The following SSBP3 variants were observed in gnomAD, a reference collection of about 807,000 sequenced individuals.
SSBP3 encodes single stranded DNA binding protein 3.
A neutral mutation model predicts 69.6 loss-of-function variants in SSBP3; 5 were observed. That is an observed-to-expected ratio of 0.07 (90% confidence interval 0.04 to 0.15). The LOEUF is 0.15. Ranked by LOEUF, SSBP3 falls within the 10% of genes least tolerant of loss-of-function variation. The probability of loss-of-function intolerance (pLI) is 1.00; values close to 1 mark genes in which losing one functional copy is unlikely to be tolerated. For synonymous variants in SSBP3, 196 were observed against 193.4 expected (o/e 1.01, Z -0.11); for missense variants, 312 against 534.0 (o/e 0.58, Z 4.10).
Position 54,260,594 on chromosome 1 carries a change from G to A in SSBP3, c.367-2445C>T, listed in dbSNP as rs3766439. Among the ~76,000 whole-genome samples, 196 of 152,342 alleles carry A rather than the reference G, an allele frequency of 1.3e-3. 3 individuals are homozygous for A. The East Asian group carries it at 0.021, about 16-fold the overall frequency. On this transcript the variant is annotated intron_variant, in intron 5 of 17. Transcript: ENST00000610401. ...CCTCCTCTGCGCCTCCCTCAGAAGC[G>A]CCCCTGGGGGACTCTGGAGACCAGT...
intron 4 of SSBP3, among the ~76,000 whole-genome samples, chr1:54,289,739 C>G (rs375635255): frequency 6.4e-4 from 98 of 152,178 alleles, no homozygotes; most frequent in African/African-American, 2.2e-3. Flanking sequence ...TCCCTGGGCA[C>G]AGGGCCTCCT....
chr1:54,318,870 G>C (rs1424314301), intron 4 of SSBP3, among the ~76,000 whole-genome samples: 1 of 152,196 alleles, frequency 6.6e-6, no homozygotes, highest in East Asian at 1.9e-4. Flanking sequence ...AGAGTAACAG[G>C]AGGGAAGGGG....
chr1:54,354,538 C>G (rs1646833197), intron 4 of SSBP3, among the ~76,000 whole-genome samples: 1 of 152,126 alleles, frequency 6.6e-6, no homozygotes, highest in Admixed American at 6.5e-5. Context: ...GCGTTCACAT[C>G]TAACGTGGGA....
At chr1:54,236,398 GGT>G (rs1254470102) in intron 14 of SSBP3, 7 of 152,174 alleles carry the variant, frequency 4.6e-5, no homozygotes, top group Non-Finnish European at 8.8e-5. Flanking sequence ...TGGGATTACA[GGT>G]GTGAGTCACC....
At chr1:54,243,375 C>T (rs1644676262) in intron 9 of SSBP3, 76 bp from the exon 10 acceptor site, 3 of 1,522,608 alleles carry the variant, frequency 2.0e-6, no homozygotes, top group African/African-American at 1.4e-5. Context: ...AACAAACAGA[C>T]AAAACATAGT....
intron 4 of SSBP3, among the ~76,000 whole-genome samples, chr1:54,381,929 C>CAA (rs1557580857): frequency 6.6e-6 from 1 of 152,220 alleles, no homozygotes; most frequent in Non-Finnish European, 1.5e-5. Context: ...CATGGTGGCT[C>CAA]ATGCCTGCAA....
exon 18 of SSBP3, chr1:54,226,096 A>G (rs1045684513): frequency 2.0e-5 from 3 of 152,278 alleles, no homozygotes; most frequent in African/African-American, 7.2e-5. Flanking sequence ...GTCCCAGGTC[A>G]TAGCCATCCT....
At chr1:54,311,808 T>C (rs1218895801) in intron 4 of SSBP3, among the ~76,000 whole-genome samples, 2 of 152,118 alleles carry the variant, frequency 1.3e-5, no homozygotes, top group Non-Finnish European at 2.9e-5. Context: ...AGGTGGCATG[T>C]AGAAATAGTC....
intron 5 of SSBP3, among the ~76,000 whole-genome samples, chr1:54,274,745 C>A (rs1645254488): frequency 1.3e-5 from 2 of 152,192 alleles, no homozygotes; most frequent in South Asian, 2.1e-4. Context: ...GGCCATGGAA[C>A]CTCTTCCTGG....
At chr1:54,359,980 G>T (rs940611207) in intron 4 of SSBP3, among the ~76,000 whole-genome samples, 1 of 152,066 alleles carries the variant, frequency 6.6e-6, no homozygotes, top group South Asian at 2.1e-4. Context: ...TGACTCAACC[G>T]CCAACACCTT....
intron 5 of SSBP3, among the ~76,000 whole-genome samples, chr1:54,260,416 G>A (rs752405383): frequency 3.9e-5 from 6 of 152,198 alleles, no homozygotes; most frequent in Non-Finnish European, 7.3e-5. Flanking sequence ...GAGGGCAGGA[G>A]GCTGGCTCAC....
chr1:54,261,686 G>A (rs1362633499), intron 5 of SSBP3, among the ~76,000 whole-genome samples: 1 of 152,198 alleles, frequency 6.6e-6, no homozygotes, highest in Admixed American at 6.5e-5. Context: ...AGCAGGCCCA[G>A]CTCCATTTAG....
At position 54,228,739 on chromosome 1, in the gene SSBP3, G is replaced by A. The variant is rs75191666; in HGVS notation, c.1006+9C>T. 6.1e-4 allele frequency: 965 copies of A among 1,590,844 alleles called. 9 individuals are homozygous for A. The East Asian group carries it at 0.018, about 30-fold the overall frequency. On this transcript the variant is annotated intron_variant, in intron 15 of 17. Transcript: ENST00000610401. Reference sequence around the variant, plus strand: ...AGGGTGGGGCATGGCGAGGGCAGGGGCCACTCACCTAATGATCCATTCATG... The same window carrying A: ...AGGGTGGGGCATGGCGAGGGCAGGGACCACTCACCTAATGATCCATTCATG...
chr1:54,238,278 C>G (rs1247553384), intron 14 of SSBP3: 4 of 471,108 alleles, frequency 8.5e-6, no homozygotes, highest in Non-Finnish European at 1.8e-5. Flanking sequence ...CCAAAAGGCC[C>G]TACCCCCTCA....
intron 4 of SSBP3, among the ~76,000 whole-genome samples, chr1:54,313,436 T>C (rs1476685479): frequency 5.4e-5 from 2 of 37,082 alleles, no homozygotes; most frequent in East Asian, 4.1e-3. Context: ...GTGCCTGTGC[T>C]TTTTTTTTTT....
chr1:54,345,491 A>G (rs1178617023), intron 4 of SSBP3, among the ~76,000 whole-genome samples: 2 of 152,218 alleles, frequency 1.3e-5, no homozygotes, highest in African/African-American at 2.4e-5. Context: ...GAGAAGGAAG[A>G]GTAATCTCAC....
chr1:54,306,965 T>C (rs1645911800), intron 4 of SSBP3, among the ~76,000 whole-genome samples: 1 of 152,170 alleles, frequency 6.6e-6, no homozygotes, highest in Non-Finnish European at 1.5e-5. Flanking sequence ...TTACCTTGAC[T>C]TTCAACCTTG....
chr1:54,351,803 G>C (rs1646784617), intron 4 of SSBP3, among the ~76,000 whole-genome samples: 2 of 152,158 alleles, frequency 1.3e-5, no homozygotes, highest in African/African-American at 4.8e-5. Flanking sequence ...ACCAGCTGTA[G>C]AAACATCCCC....
At chr1:54,251,914 G>T in intron 7 of SSBP3, 54 bp from the exon 8 acceptor site, 1 of 1,508,586 alleles carries the variant, frequency 6.6e-7, no homozygotes. Flanking sequence ...TGCTGGCCAT[G>T]GGGACAGGCA....
Sources: allele counts gnomAD v4.1 joint callset (sites outside exome capture counted in the v4.1 genomes callset), GRCh38; gene constraint gnomAD v4.1.1; transcripts MANE v1.5; gene names NCBI Gene and HGNC (gene_info 2026-07-23, HGNC 2026-07-21).